GRID2: variants seen among roughly 807,000 people sequenced by gnomAD.
The protein encoded by GRID2 is glutamate receptor ionotropic, delta-2.
In GRID2, 33 loss-of-function variants were observed where a neutral mutation model predicts 114.8. The observed-to-expected ratio is 0.29, with a 90% CI of 0.22 to 0.38. The LOEUF (loss-of-function observed/expected upper bound fraction) is 0.38, where lower values mean the gene tolerates loss of function less well. Among genes scored for constraint, GRID2 ranks in the 10% least tolerant of loss-of-function variants. GRID2 has a pLI of 1.00. For missense variants in GRID2, 1,184 were observed against 1,257.7 expected (o/e 0.94, Z 0.89); for synonymous variants, 505 against 449.9 (o/e 1.12, Z -1.55).
chr4:93,280,925 A>C (rs1056338603), intron 8 of GRID2, among the ~76,000 whole-genome samples: 1 of 152,006 alleles, frequency 6.6e-6, no homozygotes, highest in Admixed American at 6.6e-5. Context: ...GGCACAGAAC[A>C]CAGAATGTAC....
chr4:93,231,582 C>G (rs1304349584), intron 7 of GRID2, among the ~76,000 whole-genome samples: 1 of 152,114 alleles, frequency 6.6e-6, no homozygotes, highest in Non-Finnish European at 1.5e-5. Context: ...AGAAAGACAT[C>G]TGAGCCTCTG....
At chr4:93,388,748 G>A (rs922440958) in intron 8 of GRID2, among the ~76,000 whole-genome samples, 37 of 152,098 alleles carry the variant, frequency 2.4e-4, no homozygotes, top group Middle Eastern at 3.2e-3. Flanking sequence ...AATTAGCTTC[G>A]GCTAGGATGG....
chr4:93,588,550 T>C (rs1737776634), intron 13 of GRID2, among the ~76,000 whole-genome samples: 1 of 152,118 alleles, frequency 6.6e-6, no homozygotes, highest in Non-Finnish European at 1.5e-5. Context: ...ATGCATCAAA[T>C]CTCAGTATTA....
chr4:93,031,257 G>A (rs570303036), intron 2 of GRID2, among the ~76,000 whole-genome samples: 5 of 152,000 alleles, frequency 3.3e-5, no homozygotes. Flanking sequence ...TATTGGCCAG[G>A]CTGTTCTTGA....
chr4:93,387,441 A>G (rs1764427916), intron 8 of GRID2, among the ~76,000 whole-genome samples: 1 of 152,146 alleles, frequency 6.6e-6, no homozygotes, highest in Non-Finnish European at 1.5e-5. Flanking sequence ...TTGGAAATTC[A>G]CCATCTAAAT....
chr4:92,808,451 A>G (rs1740517219), intron 2 of GRID2, among the ~76,000 whole-genome samples: 1 of 152,096 alleles, frequency 6.6e-6, no homozygotes. Flanking sequence ...CTGCTTACAA[A>G]TATTTCACCA....
At chr4:92,494,913 T>C (rs1345471807) in intron 1 of GRID2, among the ~76,000 whole-genome samples, 1 of 152,046 alleles carries the variant, frequency 6.6e-6, no homozygotes, top group Non-Finnish European at 1.5e-5. Context: ...TTTCCTCCAT[T>C]GTTAGATAAA....
chr4:92,922,667 A>G (rs529233801), intron 2 of GRID2, among the ~76,000 whole-genome samples: 1 of 152,244 alleles, frequency 6.6e-6, no homozygotes, highest in Non-Finnish European at 1.5e-5. Context: ...ATACATCAGC[A>G]GGAGGATAAA....
At chr4:93,174,064 A>C (rs1739110264) in intron 4 of GRID2, among the ~76,000 whole-genome samples, 1 of 152,340 alleles carries the variant, frequency 6.6e-6, no homozygotes, top group African/African-American at 2.4e-5. Context: ...GCACAATATT[A>C]AAACTAGAAA....
At chr4:93,266,854 A>G (rs1750890137) in intron 8 of GRID2, among the ~76,000 whole-genome samples, 2 of 152,322 alleles carry the variant, frequency 1.3e-5, no homozygotes, top group Non-Finnish European at 2.9e-5. Flanking sequence ...GTCAATGAGA[A>G]GGTGAGTGGC....
rs1284108540 is a variant in GRID2, at chr4:92,440,809, T to C, written c.88+136065T>C. ...CAGGTGGATCAGAGAGATACAGTTA[T>C]GGGGGTCAAGTGTGGTATCAGGAAT... On this transcript the variant is annotated intron_variant, in intron 1 of 15. Coordinates refer to ENST00000282020, the MANE Select transcript of GRID2 (RefSeq NM_001510.4). Among the ~76,000 whole-genome samples, 3 of 152,080 alleles carry C rather than the reference T, an allele frequency of 2.0e-5. No homozygotes were observed. In the South Asian group the frequency reaches 6.2e-4, roughly 32 times the overall value.
chr4:92,431,468 G>T (rs868840475), intron 1 of GRID2, among the ~76,000 whole-genome samples: 1 of 151,798 alleles, frequency 6.6e-6, no homozygotes, highest in Admixed American at 6.6e-5. Context: ...CATGATAAAT[G>T]ATTTTTTAAT....
At chr4:93,382,975 G>T (rs531429784) in intron 8 of GRID2, among the ~76,000 whole-genome samples, 3 of 151,762 alleles carry the variant, frequency 2.0e-5, no homozygotes, top group Admixed American at 6.6e-5. Flanking sequence ...TGAGATGTAC[G>T]TAAATTTAAG....
chr4:93,359,962 A>G (rs1353561541), intron 8 of GRID2, among the ~76,000 whole-genome samples: 1 of 148,978 alleles, frequency 6.7e-6, no homozygotes, highest in East Asian at 2.0e-4. Context: ...ATTCTCTGCA[A>G]TCTCTTAAAT....
chr4:93,044,380 T>C (rs1009915100), intron 2 of GRID2, among the ~76,000 whole-genome samples: 10 of 152,166 alleles, frequency 6.6e-5, no homozygotes, highest in South Asian at 2.1e-4. Flanking sequence ...CTTTTTTTTT[T>C]CCAAAAACAC....
chr4:92,753,702 G>A lies in GRID2; in HGVS notation c.244+163416G>A, dbSNP rs926245972. ...GGCAACTAAAATGAGTAATGGGCTG[G>A]AAACCAGGACCTCTAAAGAAGGGTT... On this transcript the variant is annotated intron_variant, in intron 2 of 15. Coordinates refer to ENST00000282020, the MANE Select transcript of GRID2 (RefSeq NM_001510.4). Among the ~76,000 whole-genome samples the A allele has an allele frequency of 3.3e-5, 5 of 152,234 alleles. 1 individual carries two copies. In the Middle Eastern group the frequency reaches 0.01, roughly 311 times the overall value.
chr4:93,131,306 T>A (rs13107832), intron 4 of GRID2, among the ~76,000 whole-genome samples: 86,082 of 150,592 alleles, frequency 0.57, 26,259 homozygotes, highest in African/African-American at 0.77. Context: ...GGCACTCGCT[T>A]CCATGCCCAG....
At chr4:92,357,215 A>T (rs566484381) in intron 1 of GRID2, among the ~76,000 whole-genome samples, 1 of 151,876 alleles carries the variant, frequency 6.6e-6, no homozygotes, top group Non-Finnish European at 1.5e-5. Context: ...GCCTGGGAAG[A>T]AGGTCAATTT....
intron 1 of GRID2, among the ~76,000 whole-genome samples, chr4:93,784,799 ATT>A: frequency 6.6e-6 from 1 of 152,314 alleles, no homozygotes; most frequent in South Asian, 2.1e-4. Flanking sequence ...GATACAATGT[ATT>A]ACAGAAACTG....
Sources: allele counts gnomAD v4.1 joint callset (sites outside exome capture counted in the v4.1 genomes callset), GRCh38; gene constraint gnomAD v4.1.1; transcripts MANE v1.5; gene names NCBI Gene and HGNC (gene_info 2026-07-23, HGNC 2026-07-21).